Variants in EFNA5 observed in about 807,000 individuals in gnomAD.
EFNA5 encodes ephrin A5, also known as ephrin-A5.
Under a neutral mutation model 22.9 loss-of-function variants are expected in EFNA5, and 5 were observed. That is an observed-to-expected ratio of 0.22 (90% CI 0.11 to 0.46). The LOEUF (loss-of-function observed/expected upper bound fraction) is 0.46, where lower values mean the gene tolerates loss of function less well. Ranked by LOEUF, EFNA5 falls within the 20% of genes least tolerant of loss-of-function variation. The pLI, the probability that EFNA5 is intolerant of heterozygous loss-of-function variation, is 0.99. For synonymous variants in EFNA5, 113 were observed against 112.2 expected (o/e 1.01, Z -0.04); for missense variants, 237 against 293.3 (o/e 0.81, Z 1.40).
intron 2 of EFNA5, among the ~76,000 whole-genome samples, chr5:107,403,053 G>T (rs1389147943): frequency 1.3e-5 from 2 of 152,198 alleles, no homozygotes; most frequent in African/African-American, 2.4e-5. Flanking sequence ...GCAGCAGGGG[G>T]GGAAGTGCCA....
At chr5:107,668,457 C>G (rs1472316587) in intron 1 of EFNA5, among the ~76,000 whole-genome samples, 1 of 152,112 alleles carries the variant, frequency 6.6e-6, no homozygotes, top group Non-Finnish European at 1.5e-5. Flanking sequence ...TGTCCTCAAA[C>G]TAACTCAGAC....
chr5:107,577,162 C>A (rs1353355693), intron 1 of EFNA5, among the ~76,000 whole-genome samples: 2 of 152,098 alleles, frequency 1.3e-5, no homozygotes, highest in African/African-American at 4.8e-5. Flanking sequence ...AACATAATTG[C>A]CAACACAAAT....
chr5:107,563,189 A>C lies in EFNA5; in HGVS notation c.125+107300T>G, dbSNP rs529170397. Among the ~76,000 whole-genome samples, 6 of 152,290 alleles carry C rather than the reference A, an allele frequency of 3.9e-5. No homozygotes were observed. The East Asian group carries it at 7.7e-4, about 20-fold the overall frequency. The stretch of plus-strand genomic sequence containing the variant: ...CATGCTCTTTAAGGACCAAACCTTT[A>C]AAGAGAGATCACTCTTATTTGCTAT... On this transcript the variant is annotated intron_variant, in intron 1 of 4. Coordinates refer to ENST00000333274, the MANE Select transcript of EFNA5 (RefSeq NM_001962.3).
chr5:107,517,735 GA>G (rs1375303703), intron 1 of EFNA5, among the ~76,000 whole-genome samples: 2 of 152,142 alleles, frequency 1.3e-5, no homozygotes, highest in Admixed American at 1.3e-4. Flanking sequence ...TAATGTGTGA[GA>G]ACAAACGAAG....
chr5:107,509,255 T>C (rs1747314101), intron 1 of EFNA5, among the ~76,000 whole-genome samples: 1 of 152,150 alleles, frequency 6.6e-6, no homozygotes, highest in South Asian at 2.1e-4. Flanking sequence ...GACTATTTGT[T>C]CTTTTCATCT....
intron 1 of EFNA5, among the ~76,000 whole-genome samples, chr5:107,537,792 G>A (rs1465689450): frequency 6.6e-6 from 1 of 152,114 alleles, no homozygotes; most frequent in Non-Finnish European, 1.5e-5. Context: ...CCTACATCCA[G>A]GGACAAACAT....
At chr5:107,512,712 T>C (rs1233546304) in intron 1 of EFNA5, among the ~76,000 whole-genome samples, 2 of 151,380 alleles carry the variant, frequency 1.3e-5, no homozygotes, top group Non-Finnish European at 2.9e-5. Context: ...TCACCGAGAA[T>C]GCTGTTCTGA....
At chr5:107,387,849 G>A in intron 2 of EFNA5, 78 bp from the exon 3 acceptor site, 1 of 1,012,698 alleles carries the variant, frequency 9.9e-7, no homozygotes. Context: ...ACATACAAAT[G>A]ATGAACAATA....
At chr5:107,399,318 CGGAAAGGAAAGGAAAGGAAA>C (rs70996954) in intron 2 of EFNA5, among the ~76,000 whole-genome samples, 11 of 94,568 alleles carry the variant, frequency 1.2e-4, no homozygotes, top group Non-Finnish European at 1.6e-4. Context: ...AGGAAGGAAA[CGGAAAGGAAAGGAAAGGAAA>C]GGAAAGGAAA....
At chr5:107,504,171 G>T (rs962351799) in intron 1 of EFNA5, among the ~76,000 whole-genome samples, 8 of 152,068 alleles carry the variant, frequency 5.3e-5, no homozygotes, top group African/African-American at 1.4e-4. Context: ...TTTTGTTCAG[G>T]ATGAAAGTAT....
At chr5:107,477,349 T>C (rs1750339296) in intron 1 of EFNA5, among the ~76,000 whole-genome samples, 1 of 152,176 alleles carries the variant, frequency 6.6e-6, no homozygotes, top group Non-Finnish European at 1.5e-5. Context: ...ATCAATAGAA[T>C]AATATCTGCA....
intron 1 of EFNA5, among the ~76,000 whole-genome samples, chr5:107,604,759 C>T (rs1165416835): frequency 2.0e-5 from 3 of 152,108 alleles, no homozygotes; most frequent in Admixed American, 1.3e-4. Context: ...GGCATGTGTA[C>T]GAAATGTTTA....
chr5:107,598,183 A>ACTACCCCT (rs1337145355), intron 1 of EFNA5, among the ~76,000 whole-genome samples: 1 of 152,116 alleles, frequency 6.6e-6, no homozygotes, highest in Non-Finnish European at 1.5e-5. Flanking sequence ...ATTCCTCCCC[A>ACTACCCCT]CTACCCCTCT....
chr5:107,639,566 T>C (rs766895128), intron 1 of EFNA5, among the ~76,000 whole-genome samples: 4 of 152,214 alleles, frequency 2.6e-5, no homozygotes, highest in Non-Finnish European at 5.9e-5. Flanking sequence ...GGAAGTGCTA[T>C]GTAATTTTTA....
intron 1 of EFNA5, among the ~76,000 whole-genome samples, chr5:107,455,085 A>G (rs916193785): frequency 1.3e-5 from 2 of 152,136 alleles, no homozygotes; most frequent in Non-Finnish European, 2.9e-5. Flanking sequence ...TCCAAATGTA[A>G]CTGTCAGTCA....
At chr5:107,651,356 A>C (rs1750725806) in intron 1 of EFNA5, among the ~76,000 whole-genome samples, 1 of 152,188 alleles carries the variant, frequency 6.6e-6, no homozygotes, top group Non-Finnish European at 1.5e-5. Context: ...GGAGCTATTC[A>C]AGTCAATTCC....
At chr5:107,596,739 G>A (rs1001940722) in intron 1 of EFNA5, among the ~76,000 whole-genome samples, 1 of 152,076 alleles carries the variant, frequency 6.6e-6, no homozygotes, top group Admixed American at 6.6e-5. Flanking sequence ...GAATTAGCAG[G>A]TTTTGACAAC....
chr5:107,486,592 A>G (rs1052333364), intron 1 of EFNA5, among the ~76,000 whole-genome samples: 10 of 152,120 alleles, frequency 6.6e-5, no homozygotes, highest in African/African-American at 2.4e-4. Context: ...CCTCTCTACT[A>G]CCTTAGAGTT....
intron 1 of EFNA5, among the ~76,000 whole-genome samples, chr5:107,511,479 A>G (rs922508487): frequency 6.6e-6 from 1 of 152,214 alleles, no homozygotes; most frequent in Non-Finnish European, 1.5e-5. Flanking sequence ...TGGTAGAGAA[A>G]CAAAAATATA....
Sources: gnomAD v4.1 joint callset for allele counts (sites outside exome capture counted in the v4.1 genomes callset) on GRCh38, gnomAD v4.1.1 for gene constraint, MANE v1.5 for transcripts, NCBI Gene and HGNC (gene_info 2026-07-23, HGNC 2026-07-21) for gene names.